Variants in BRAT1 observed in about 807,000 individuals in gnomAD.
BRAT1 encodes BRCA1 associated ATM activator 1.
BRAT1 carries 74 observed loss-of-function variants against 70.6 expected under a neutral mutation model. The ratio of observed to expected loss-of-function variants is 1.05; its 90% CI spans 0.87 to 1.27. The LOEUF (loss-of-function observed/expected upper bound fraction) is 1.27. Ranked by LOEUF, BRAT1 falls within the 50% of genes most tolerant of loss-of-function variation. The pLI, the probability that BRAT1 is intolerant of heterozygous loss-of-function variation, is 0.00. For missense variants in BRAT1, 1,203 were observed against 1,098.2 expected, an observed-to-expected ratio of 1.10 and a Z score of -1.35; for synonymous variants, 615 against 517.1, an observed-to-expected ratio of 1.19 and a Z score of -2.57.
intron 4 of BRAT1, chr7:2,544,268 T>C (rs1035099738): frequency 7.5e-5 from 18 of 239,022 alleles, no homozygotes; most frequent in African/African-American, 3.9e-4. Flanking sequence ...AATGGTGCGA[T>C]CTCAGTTCAC....
chr7:2,541,529 G>T (rs771417566), intron 8 of BRAT1, 45 bp from the exon 9 acceptor site: 1 of 1,503,382 alleles, frequency 6.7e-7, no homozygotes, highest in Admixed American at 2.1e-5. Flanking sequence ...TCCCACTGCC[G>T]GCGTGGATGC....
rs117120705 is a variant in BRAT1 at position 2,545,936 on chromosome 7, G to A, written c.283-880C>T. Among the ~76,000 whole-genome samples, 144 of 152,364 alleles carry A rather than the reference G, an allele frequency of 9.5e-4. No individual in the cohort carries two copies. The East Asian group carries it at 0.027, about 28-fold the overall frequency. ...GGGAGCCTGCAGCTGCTTAACTGGGGGGCATCGTGAACGGCAAGCTAACGG... is the reference window on the plus strand; with the variant it reads ...GGGAGCCTGCAGCTGCTTAACTGGGAGGCATCGTGAACGGCAAGCTAACGG... On this transcript the variant is annotated intron_variant, in intron 3 of 13. Coordinates refer to ENST00000340611, the MANE Select transcript of BRAT1 (RefSeq NM_152743.4).
At chr7:2,552,425 T>C (rs1422961644) in intron 2 of BRAT1, among the ~76,000 whole-genome samples, 2 of 151,032 alleles carry the variant, frequency 1.3e-5, no homozygotes, top group African/African-American at 4.9e-5. Context: ...GCCTTAAATA[T>C]ATATATTAGA....
At position 2,542,147 on chromosome 7, in the gene BRAT1, C is replaced by T. The variant is rs924598376; in HGVS notation, c.988G>A (p.Ala330Thr). The change falls in exon 7 of 14, where the codon GCC becomes ACC. Residue 330 changes from alanine (A) to threonine (T), a missense_variant. Transcript: ENST00000340611. The stretch of plus-strand genomic sequence containing the variant: ...GGGGGTCCGGGGGCCTGAACCGTGG[C>T]CTTCAGGACACAGGCCAGGGGCTGG... ...LLQPLACVLKATVQAPGPPGL... is the reference protein window; with the variant it reads ...LLQPLACVLKTTVQAPGPPGL... 2 of 1,567,712 alleles carry T rather than the reference C, an allele frequency of 1.3e-6. No homozygotes were observed. Among genetic ancestry groups the T allele is most frequent in the Admixed American group, 3.8e-5 (2 of 52,960 alleles).
chr7:2,551,282 G>T (rs142520696), intron 2 of BRAT1, among the ~76,000 whole-genome samples: 3 of 148,994 alleles, frequency 2.0e-5, no homozygotes, highest in Non-Finnish European at 4.4e-5. Context: ...TCTATATATA[G>T]ATATATATAT....
Position 2,543,066 on chromosome 7 carries a change from A to G in BRAT1, c.923+138T>C, listed in dbSNP as rs2128395252. 1 of 1,128,394 alleles carries G rather than the reference A, an allele frequency of 8.9e-7. No individual in the cohort carries two copies. Among genetic ancestry groups the G allele is most frequent in the South Asian group, 1.7e-5 (1 of 58,968 alleles). The allele number at this position is 1,128,394 out of a possible 1,614,324, so 69.9% of individuals were successfully genotyped here. A position where few individuals can be genotyped will look rare whatever the true frequency, so the allele number is the denominator to read the frequency against. On this transcript the variant is annotated intron_variant, in intron 6 of 13. Transcript: ENST00000340611. This position sits in a 1 kb window ranked among gnomAD's most constrained non-coding sequence, Gnocchi z 5.5. ...AGCTGCCGCGCGCAACCCACGCACC[A>G]CCCAGTCACACCCCGCACGGCCGCC...
In BRAT1 at chr7:2,544,942, G is replaced by T; in HGVS notation, c.397C>A (p.His133Asn). 1.3e-6 allele frequency: 2 copies of T among 1,556,422 alleles called. No individual in the cohort carries two copies. The highest frequency in any genetic ancestry group is 1.7e-6 in the Non-Finnish European group (2 of 1,150,250). Residue 133 changes from histidine (H) to asparagine (N), a missense_variant, in exon 4 of 14, where the codon CAC becomes AAC. Transcript: ENST00000340611. ...GCCAGGAAGCGCAGGGCGCTGGGGT[G>T]CTGTGCCAGGGAGCGCAGGCCCTGG... The part of the protein sequence containing the change: ...WIQGLRSLAQ[H>N]PSALRFLADH...
In BRAT1 at chr7:2,543,048, G is replaced by T. The variant is rs1779301593; in HGVS notation, c.923+156C>A. The T allele has an allele frequency of 4.6e-6, 4 of 864,112 alleles. No individual in the cohort carries two copies. Among genetic ancestry groups the T allele is most frequent in the African/African-American group, 3.5e-5 (2 of 57,340 alleles). 53.5% of individuals were successfully genotyped at this position (864,112 alleles called of 1,614,324 possible). A position where few individuals can be genotyped will look rare whatever the true frequency, so the allele number is the denominator to read the frequency against. ...TGCTAAAGAACCTTCAGAAGCTGCCGCGCGCAACCCACGCACCACCCAGTC... is the reference window on the plus strand; with the variant it reads ...TGCTAAAGAACCTTCAGAAGCTGCCTCGCGCAACCCACGCACCACCCAGTC... On this transcript the variant is annotated intron_variant, in intron 6 of 13. Transcript: ENST00000340611. The surrounding 1 kb of genome is among the most constrained non-coding windows in gnomAD (Gnocchi z 5.5).
chr7:2,541,456 G>A lies in BRAT1; in HGVS notation c.1163C>T (p.Ala388Val), dbSNP rs368710298. ...LPQRPSPWPQASLLGATVTVL... is the reference protein window; with the variant it reads ...LPQRPSPWPQVSLLGATVTVL... ...AGTCACTGTAGCCCCCAGTAGAGACGCCTGGGGCCACGGTGAAGGGCGCTG... is the reference window on the plus strand; with the variant it reads ...AGTCACTGTAGCCCCCAGTAGAGACACCTGGGGCCACGGTGAAGGGCGCTG... Residue 388 changes from alanine to valine, a missense_variant, in exon 9 of 14, where the codon GCG becomes GTG. Ala to Val is a moderately conservative substitution (Grantham distance 64, BLOSUM62 0). Coordinates refer to ENST00000340611, the MANE Select transcript of BRAT1 (RefSeq NM_152743.4). 1.2e-5 allele frequency: 18 copies of A among 1,560,696 alleles called. No homozygotes were observed. The highest frequency in any genetic ancestry group is 8.1e-5 in the African/African-American group (6 of 73,810).
chr7:2,542,138 G>A lies in BRAT1; in HGVS notation c.997C>T (p.Gln333Ter). 1 of 1,564,494 alleles carries A rather than the reference G, an allele frequency of 6.4e-7. No individual in the cohort carries two copies. The highest frequency in any genetic ancestry group is 8.7e-7 in the Non-Finnish European group (1 of 1,155,258). ...AGCACACCTGGGGGTCCGGGGGCCT[G>A]AACCGTGGCCTTCAGGACACAGGCC... ...PLACVLKATV[Q>*]APGPPGLLDG... The change falls in exon 7 of 14, where the codon CAG becomes TAG. Residue 333 changes from glutamine to a stop codon, truncating the protein, a stop_gained. Coordinates refer to ENST00000340611, the MANE Select transcript of BRAT1 (RefSeq NM_152743.4). LOFTEE classifies it high-confidence loss of function.
intron 8 of BRAT1, 77 bp from the exon 9 acceptor site, chr7:2,541,561 C>A: frequency 6.8e-7 from 1 of 1,478,174 alleles, no homozygotes; most frequent in South Asian, 1.3e-5. Flanking sequence ...GACTTCGAGG[C>A]ATGTGGGGCG....
intron 4 of BRAT1, 85 bp downstream of exon 4, chr7:2,544,824 G>A (rs1038309879): frequency 3.8e-5 from 58 of 1,509,422 alleles, no homozygotes; most frequent in Admixed American, 6.3e-5. Context: ...GCACAGACCA[G>A]ACACTCAGAT....
chr7:2,554,175 G>A (rs1266631674), intron 2 of BRAT1, 130 bp downstream of exon 2: 1 of 1,281,030 alleles, frequency 7.8e-7, no homozygotes, highest in East Asian at 2.5e-5. Flanking sequence ...GGAAGTGAAG[G>A]AAAGACATCT....
chr7:2,539,439 G>T, intron 12 of BRAT1, 88 bp from the exon 13 acceptor site: 1 of 1,511,192 alleles, frequency 6.6e-7, no homozygotes, highest in Non-Finnish European at 8.9e-7. Flanking sequence ...GTGGGCAGCC[G>T]ACATGGCCCA....
Position 2,543,755 on chromosome 7 carries a change from T to C in BRAT1, c.638A>G (p.Lys213Arg), listed in dbSNP as rs1441879455. Residue 213 changes from lysine (K) to arginine (R), a missense_variant, in exon 5 of 14, where the codon AAG (lysine) becomes AGG (arginine). By Grantham distance (26) the Lys-to-Arg change is conservative. Coordinates refer to ENST00000340611, the MANE Select transcript of BRAT1 (RefSeq NM_152743.4). This position sits in a 1 kb window ranked among gnomAD's most constrained non-coding sequence, Gnocchi z 5.5. ...CAGGACGTTCAGGGCCTGAGTGACCTTGGGGGTGGCCGCGGAGCACAAGGA... is the reference window on the plus strand; with the variant it reads ...CAGGACGTTCAGGGCCTGAGTGACCCTGGGGGTGGCCGCGGAGCACAAGGA... Reference protein sequence around the residue: ...EESLCSAATPKVTQALNVLTT... With the variant: ...EESLCSAATPRVTQALNVLTT... 1 of 1,606,088 alleles carries C rather than the reference T, an allele frequency of 6.2e-7. No homozygotes were observed. Among genetic ancestry groups the C allele is most frequent in the African/African-American group, 1.3e-5 (1 of 74,800 alleles).
Position 2,538,239 on chromosome 7 carries a change from C to T in BRAT1, c.2296G>A (p.Asp766Asn), listed in dbSNP as rs766164248. ...GCCAGCACAGCCTCAGGCTCCTGGTCCCCTGGGGGCTGGGCCTGCTCACCC... is the reference window on the plus strand; with the variant it reads ...GCCAGCACAGCCTCAGGCTCCTGGTTCCCTGGGGGCTGGGCCTGCTCACCC... ...RAGEQAQPPG[D>N]QEPEAVLAML... The change falls in exon 14 of 14, where the codon GAC becomes AAC. Residue 766 changes from aspartate (D) to asparagine (N), a missense_variant. Transcript: ENST00000340611. 1.7e-5 allele frequency: 28 copies of T among 1,609,582 alleles called. No individual in the cohort carries two copies. In the Admixed American group the frequency reaches 2.5e-4, roughly 14 times the overall value.
At position 2,537,837 on chromosome 7, in the gene BRAT1, T is replaced by TAACTC. The variant is rs768550989; in HGVS notation, c.*227_*231dup. ...TTGTCTCAGATCATTATTATTAAATTAACTCAAAAAGGGTTAAAGAAAGAC... is the reference window on the plus strand; with the variant it reads ...TTGTCTCAGATCATTATTATTAAATTAACTCAACTCAAAAAGGGTTAAAGAAAGAC... On this transcript the variant is annotated 3_prime_UTR_variant, in exon 14 of 14. Transcript: ENST00000340611. 1.7e-4 allele frequency: 101 copies of TAACTC among 589,804 alleles called. No homozygotes were observed. Among genetic ancestry groups the TAACTC allele is most frequent in the Non-Finnish European group, 2.5e-4 (95 of 385,228 alleles). The allele number at this position is 589,804 out of a possible 1,614,324, so 36.5% of individuals were successfully genotyped here.
chr7:2,540,694 T>C, intron 10 of BRAT1: 1 of 376,488 alleles, frequency 2.7e-6, no homozygotes, highest in African/African-American at 2.1e-5. Context: ...GCCGTCTTGG[T>C]GCCACCTCAT....
chr7:2,548,218 T>A (rs1779758557), intron 2 of BRAT1, among the ~76,000 whole-genome samples: 1 of 152,068 alleles, frequency 6.6e-6, no homozygotes, highest in African/African-American at 2.4e-5. Flanking sequence ...TGGCATCCTG[T>A]ATTTCTATAA....
Sources: allele counts gnomAD v4.1 joint callset (sites outside exome capture counted in the v4.1 genomes callset), GRCh38; gene constraint gnomAD v4.1.1; non-coding constraint Gnocchi (gnomAD v3.1); transcripts MANE v1.5; gene names NCBI Gene and HGNC (gene_info 2026-07-23, HGNC 2026-07-21).